BIRC6: variants seen among roughly 807,000 people sequenced by gnomAD.
The protein encoded by BIRC6 is baculoviral IAP repeat containing 6.
In BIRC6, 98 loss-of-function variants were observed where a neutral mutation model predicts 503.3. The observed-to-expected ratio is 0.19, with a 90% CI of 0.17 to 0.23. The LOEUF (loss-of-function observed/expected upper bound fraction) is 0.23, where lower values mean the gene tolerates loss of function less well. Among genes scored for constraint, BIRC6 ranks in the 10% least tolerant of loss-of-function variants. The probability of loss-of-function intolerance (pLI) is 1.00; values close to 1 mark genes in which losing one functional copy is unlikely to be tolerated. For missense variants in BIRC6, 5,360 were observed against 5,806.0 expected (o/e 0.92, Z 2.50); for synonymous variants, 2,240 against 2,078.7 (o/e 1.08, Z -2.11).
intron 62 of BIRC6, among the ~76,000 whole-genome samples, chr2:32,545,370 G>A (rs750440459): frequency 2.7e-4 from 41 of 152,160 alleles, no homozygotes; most frequent in African/African-American, 4.6e-4. Flanking sequence ...ATTCTAGTTC[G>A]TAATAATTTT....
At position 32,545,660 on chromosome 2, in the gene BIRC6, C is replaced by T. The variant is rs1416982580; in HGVS notation, c.12610C>T (p.Pro4204Ser). 6.2e-7 allele frequency: 1 copy of T among 1,613,372 alleles called. No individual in the cohort carries two copies. The highest frequency in any genetic ancestry group is 8.5e-7 in the Non-Finnish European group (1 of 1,179,486). The change falls in exon 63 of 74, where the codon CCA becomes TCA. Residue 4204 changes from proline to serine, a missense_variant. By Grantham distance (74) the Pro-to-Ser change is moderately conservative. Around this residue, in one of 16 missense-constraint regions of BIRC6, gnomAD observed 477 missense variants for 574.4 expected, o/e 0.83. Transcript: ENST00000421745. ...CAATCTAGGTCATATTCTTCAATCT[C>T]CATCAGCCAATGTGCTTCCAACCCT... ...DGEGSHILQSPSANVLPTLPF... is the reference protein window; with the variant it reads ...DGEGSHILQSSSANVLPTLPF...
At chr2:32,488,476 TA>T in intron 41 of BIRC6, 111 bp from the exon 42 acceptor site, 1 of 873,632 alleles carries the variant, frequency 1.1e-6, no homozygotes, top group Non-Finnish European at 1.7e-6. Flanking sequence ...AAGTGTTTAA[TA>T]GAAAAGGTTA....
intron 1 of BIRC6, among the ~76,000 whole-genome samples, chr2:32,370,207 C>T (rs2035730908): frequency 6.6e-6 from 1 of 151,752 alleles, no homozygotes; most frequent in Admixed American, 6.6e-5. Flanking sequence ...CAGCAAGTAT[C>T]TTACACGGAG....
intron 69 of BIRC6, among the ~76,000 whole-genome samples, chr2:32,598,648 C>T (rs2061833288): frequency 6.6e-6 from 1 of 152,122 alleles, no homozygotes; most frequent in South Asian, 2.1e-4. Context: ...TGATTTAATT[C>T]ATGGGTTAAA....
In BIRC6 at chr2:32,493,606, A is replaced by C; in HGVS notation, c.8407A>C (p.Thr2803Pro). The C allele has an allele frequency of 6.2e-7, 1 of 1,609,288 alleles. No individual in the cohort carries two copies. Among genetic ancestry groups the C allele is most frequent in the Non-Finnish European group, 8.5e-7 (1 of 1,176,670 alleles). The change falls in exon 45 of 74, where the codon ACA becomes CCA. Residue 2803 changes from threonine (T) to proline (P), a missense_variant. This residue lies in a region of BIRC6 where 2,299 missense variants were observed against 2,267.2 expected (regional missense o/e 1.01). Coordinates refer to ENST00000421745, the MANE Select transcript of BIRC6 (RefSeq NM_016252.4). ...LTRLQVHLSS[T>P]CPQIFSEFLL... ...TCGATTACAAGTGCATCTTTCTTCA[A>C]CATGTCCTCAGATATTCAGTGAATT...
chr2:32,586,578 C>A (rs2061050368), intron 66 of BIRC6, among the ~76,000 whole-genome samples: 1 of 151,602 alleles, frequency 6.6e-6, no homozygotes, highest in African/African-American at 2.4e-5. Flanking sequence ...ACCACCACTC[C>A]CGGCGAATTT....
intron 4 of BIRC6, among the ~76,000 whole-genome samples, chr2:32,391,111 G>A (rs2039179200): frequency 6.6e-6 from 1 of 152,208 alleles, no homozygotes; most frequent in Non-Finnish European, 1.5e-5. Flanking sequence ...AGTCAGCTCT[G>A]CAGAGCTATT....
intron 55 of BIRC6, among the ~76,000 whole-genome samples, chr2:32,516,099 G>C (rs930404515): frequency 6.6e-6 from 1 of 152,228 alleles, no homozygotes; most frequent in Admixed American, 6.5e-5. Flanking sequence ...ACTGAGTACT[G>C]TATGTGCCTT....
rs140866383 is a variant in BIRC6, at chr2:32,405,134, CT to C, written c.1419-1362del. ...GGTTAATACTTGGTTATTTATTTTT[CT>C]TTAATGGGCAGCCATTCTATACTTA... On this transcript the variant is annotated intron_variant, in intron 8 of 73. Transcript: ENST00000421745. Among the ~76,000 whole-genome samples, 1,225 of 152,194 alleles carry C rather than the reference CT, an allele frequency of 8.0e-3. 8 individuals are homozygous for C. The highest frequency in any genetic ancestry group is 0.02 in the Middle Eastern group (6 of 294).
At chr2:32,457,192 T>C (rs573733588) in intron 23 of BIRC6, among the ~76,000 whole-genome samples, 2 of 152,366 alleles carry the variant, frequency 1.3e-5, no homozygotes, top group East Asian at 3.9e-4. Context: ...TTTCAACTTT[T>C]CAGTGTTTCC....
chr2:32,439,807 G>T, intron 16 of BIRC6, 121 bp downstream of exon 16: 1 of 851,564 alleles, frequency 1.2e-6, no homozygotes, highest in Non-Finnish European at 1.7e-6. Flanking sequence ...TGGTTTGTTT[G>T]TATTTTGTCT....
At chr2:32,574,652 T>G (rs1289040573) in intron 65 of BIRC6, 1 of 167,732 alleles carries the variant, frequency 6.0e-6, no homozygotes, top group Non-Finnish European at 1.3e-5. Context: ...AGTAGCCTAA[T>G]GAGGAAGAAG....
At chr2:32,477,734 A>AC (rs1175427039) in intron 35 of BIRC6, among the ~76,000 whole-genome samples, 151 bp downstream of exon 35, 10 of 95,332 alleles carry the variant, frequency 1.0e-4, no homozygotes, top group Non-Finnish European at 1.8e-4. Context: ...CCCCGTCTCT[A>AC]CAAAAAAAAA....
At chr2:32,575,422 T>C in intron 66 of BIRC6, 56 bp downstream of exon 66, 1 of 1,506,306 alleles carries the variant, frequency 6.6e-7, no homozygotes, top group Non-Finnish European at 9.2e-7. Flanking sequence ...GTTTTTAAAA[T>C]AACTCCATGG....
intron 65 of BIRC6, among the ~76,000 whole-genome samples, chr2:32,554,225 G>A (rs1225231813): frequency 1.3e-5 from 2 of 152,164 alleles, no homozygotes; most frequent in African/African-American, 4.8e-5. Context: ...AGTGGGGTAT[G>A]CTACAAATTC....
In BIRC6 at chr2:32,585,794, T is replaced by G. The variant is rs78548151; in HGVS notation, c.13356-8121T>G. Among the ~76,000 whole-genome samples, 1,011 of 152,312 alleles carry G rather than the reference T, an allele frequency of 6.6e-3. 11 individuals carry two copies. The highest frequency in any genetic ancestry group is 0.017 in the Middle Eastern group (5 of 294). On this transcript the variant is annotated intron_variant, in intron 66 of 73. Coordinates refer to ENST00000421745, the MANE Select transcript of BIRC6 (RefSeq NM_016252.4). ...GCATGCATTGTAATAAATACATAGT[T>G]GCGTATAGTTATATAAGAATATAAG...
At chr2:32,493,132 A>C (rs2051958099) in intron 44 of BIRC6, among the ~76,000 whole-genome samples, 1 of 151,410 alleles carries the variant, frequency 6.6e-6, no homozygotes, top group South Asian at 2.1e-4. Context: ...CCTTTTATGG[A>C]TCATTTTACC....
chr2:32,395,616 A>G (rs2039784482), intron 6 of BIRC6, 23 bp downstream of exon 6: 2 of 1,554,036 alleles, frequency 1.3e-6, no homozygotes, highest in African/African-American at 1.4e-5. Context: ...GTTTCTGGGC[A>G]TAATAGGCTA....
At chr2:32,370,931 G>T (rs149756355) in intron 1 of BIRC6, among the ~76,000 whole-genome samples, 1 of 152,208 alleles carries the variant, frequency 6.6e-6, no homozygotes, top group East Asian at 1.9e-4. Flanking sequence ...ATTTTTGCAA[G>T]TTTTTTAGGG....
Sources: allele counts gnomAD v4.1 joint callset (sites outside exome capture counted in the v4.1 genomes callset), GRCh38; gene constraint gnomAD v4.1.1; regional missense constraint gnomAD v4.1.1; transcripts MANE v1.5; gene names NCBI Gene and HGNC (gene_info 2026-07-23, HGNC 2026-07-21).